Variants in RAI2 observed in about 807,000 individuals in gnomAD.
RAI2 encodes retinoic acid-induced protein 2.
In RAI2, 5 loss-of-function variants were observed where a neutral mutation model predicts 15.3. The observed-to-expected ratio is 0.33, with a 90% CI of 0.17 to 0.69. RAI2 has a LOEUF of 0.69. Among genes scored for constraint, RAI2 ranks in the 30% least tolerant of loss-of-function variants. The pLI is 0.69. For missense variants in RAI2, 424 were observed against 424.7 expected (o/e 1.00, Z 0.01); for synonymous variants, 191 against 184.0 (o/e 1.04, Z -0.31).
chrX:17,819,049 G>A (rs186574516), intron 1 of RAI2, among the ~76,000 whole-genome samples: 154 of 111,907 alleles, frequency 1.4e-3, no homozygotes, highest in African/African-American at 4.6e-3. Flanking sequence ...CTCTCTTGCT[G>A]GCCTCCTTCC....
intron 1 of RAI2, among the ~76,000 whole-genome samples, chrX:17,830,200 C>T: frequency 8.9e-6 from 1 of 112,432 alleles, no homozygotes; most frequent in Non-Finnish European, 1.9e-5. Context: ...AAGTGGTCCA[C>T]AATAGTGTCT....
At chrX:17,814,680 G>A (rs2067085727) in intron 1 of RAI2, among the ~76,000 whole-genome samples, 2 of 109,935 alleles carry the variant, frequency 1.8e-5, no homozygotes, top group Non-Finnish European at 3.8e-5. Flanking sequence ...CAAGACACAC[G>A]AGGGGGCCAG....
intron 1 of RAI2, among the ~76,000 whole-genome samples, chrX:17,816,005 CCT>C (rs926661946): frequency 8.2e-5 from 9 of 110,044 alleles, no homozygotes; most frequent in Admixed American, 5.8e-4. Flanking sequence ...TCCTCCTCCT[CCT>C]CTTTCTTGTT....
At chrX:17,814,984 G>A (rs1026931628) in intron 1 of RAI2, among the ~76,000 whole-genome samples, 12 of 109,973 alleles carry the variant, frequency 1.1e-4, no homozygotes, top group Non-Finnish European at 2.1e-4. Flanking sequence ...GAGAAGTACA[G>A]ACAATGCAGG....
At chrX:17,854,329 CG>C (rs1180661358) in intron 1 of RAI2, among the ~76,000 whole-genome samples, 2 of 111,854 alleles carry the variant, frequency 1.8e-5, no homozygotes, top group African/African-American at 6.5e-5. Flanking sequence ...GTTGTGCATA[CG>C]GGGGTGGGGA....
chrX:17,855,025 T>C (rs1337576738), intron 1 of RAI2, among the ~76,000 whole-genome samples: 2 of 111,823 alleles, frequency 1.8e-5, no homozygotes, highest in East Asian at 5.7e-4. Context: ...TGTGATGTGA[T>C]GATACCATAG....
intron 1 of RAI2, among the ~76,000 whole-genome samples, chrX:17,860,862 C>A (rs1445814720): frequency 1.9e-5 from 2 of 105,158 alleles, no homozygotes; most frequent in Admixed American, 1.9e-4. Context: ...GGAACGGGAG[C>A]GGGGCCCCGG....
chrX:17,844,446 C>T (rs929130420), intron 1 of RAI2, among the ~76,000 whole-genome samples: 3 of 112,682 alleles, frequency 2.7e-5, no homozygotes, highest in African/African-American at 9.7e-5. Flanking sequence ...TTGGTGGCTG[C>T]CTTTGGCCCA....
intron 1 of RAI2, among the ~76,000 whole-genome samples, chrX:17,845,527 T>G (rs1300049821): frequency 8.9e-6 from 1 of 112,520 alleles, no homozygotes; most frequent in Non-Finnish European, 1.9e-5. Context: ...GAAAAATCCC[T>G]TTCATTAGCT....
intron 1 of RAI2, among the ~76,000 whole-genome samples, chrX:17,833,405 C>T (rs770514348): frequency 4.5e-5 from 5 of 111,211 alleles, no homozygotes. Flanking sequence ...GCCTGTAATC[C>T]CAGCTACTCA....
At chrX:17,824,668 A>G (rs981442338) in intron 1 of RAI2, among the ~76,000 whole-genome samples, 2 of 112,111 alleles carry the variant, frequency 1.8e-5, no homozygotes, top group South Asian at 3.7e-4. Context: ...ATGTGACCCA[A>G]TCTTGCCAGC....
chrX:17,843,441 C>T (rs764506908), intron 1 of RAI2, among the ~76,000 whole-genome samples: 15 of 112,295 alleles, frequency 1.3e-4, no homozygotes. Context: ...AATGAATGTG[C>T]CTGGATGAAC....
rs2066902447 is a variant in RAI2 at position 17,801,098 on chromosome X, G to A, written c.913C>T (p.His305Tyr). Reference sequence around the variant, plus strand: ...TCACTTCCCATCTTAATGACCGTGTGGCGGCTGAGCTGGAAGTACTCCTTA... The same window carrying A: ...TCACTTCCCATCTTAATGACCGTGTAGCGGCTGAGCTGGAAGTACTCCTTA... ...QPKEYFQLSRHTVIKMGSENE... is the reference protein window; with the variant it reads ...QPKEYFQLSRYTVIKMGSENE... The change falls in exon 2 of 2, where the codon CAC (histidine) becomes TAC (tyrosine). Residue 305 changes from histidine to tyrosine, a missense_variant. By Grantham distance (83) the His-to-Tyr change is moderately conservative. Coordinates refer to ENST00000451717, the MANE Select transcript of RAI2 (RefSeq NM_021785.6). 2 of 1,209,810 alleles carry A rather than the reference G, an allele frequency of 1.7e-6. No individual in the cohort carries two copies. Among genetic ancestry groups the A allele is most frequent in the African/African-American group, 3.5e-5 (2 of 57,026 alleles).
intron 1 of RAI2, among the ~76,000 whole-genome samples, chrX:17,829,528 G>A (rs1342874628): frequency 9.0e-6 from 1 of 111,624 alleles, no homozygotes; most frequent in Admixed American, 9.5e-5. Context: ...CCTCTTGACA[G>A]GGTTTCTAAA....
intron 1 of RAI2, among the ~76,000 whole-genome samples, chrX:17,820,473 A>C (rs1055918199): frequency 2.7e-5 from 3 of 111,812 alleles, no homozygotes; most frequent in Non-Finnish European, 3.8e-5. Context: ...ACTGAAGTGG[A>C]AAGTCAGAAG....
In RAI2 at chrX:17,809,315, G is replaced by T. The variant is rs192767327; in HGVS notation, c.-24-7281C>A. ...ACTAAACTTCATGAGGACGGACAGTGGCTACGGGGAAGATCTGTTAGGGAG... is the reference window on the plus strand; with the variant it reads ...ACTAAACTTCATGAGGACGGACAGTTGCTACGGGGAAGATCTGTTAGGGAG... On this transcript the variant is annotated intron_variant, in intron 1 of 1. Transcript: ENST00000451717. Among the ~76,000 whole-genome samples the T allele has an allele frequency of 2.3e-3, 257 of 111,455 alleles. 1 individual carries two copies. Among genetic ancestry groups the T allele is most frequent in the Non-Finnish European group, 2.9e-3 (154 of 53,110 alleles).
rs751300289 is a variant in RAI2, at chrX:17,800,581, C to T, written c.1430G>A (p.Gly477Asp). 7.4e-6 allele frequency: 9 copies of T among 1,209,454 alleles called. No homozygotes were observed. The highest frequency in any genetic ancestry group is 1.0e-5 in the Non-Finnish European group (9 of 894,987). ...SFKREDSVLQGYDINSQGEES... is the reference protein window; with the variant it reads ...SFKREDSVLQDYDINSQGEES... ...TTCCCCTTGGCTGTTGATGTCATAG[C>T]CCTGAAGCACGGAGTCTTCTCTTTT... The change falls in exon 2 of 2, where the codon GGC becomes GAC. Residue 477 changes from glycine to aspartate, a missense_variant. Transcript: ENST00000451717.
intron 1 of RAI2, among the ~76,000 whole-genome samples, chrX:17,813,096 C>CTT (rs2067067010): frequency 9.0e-6 from 1 of 111,530 alleles, no homozygotes; most frequent in African/African-American, 3.3e-5. Flanking sequence ...ACTGCAAGTA[C>CTT]TTAGGGAAGG....
chrX:17,800,394 A>G lies in RAI2; in HGVS notation c.*24T>C. The G allele has an allele frequency of 8.6e-7, 1 of 1,159,479 alleles. No homozygotes were observed. The highest frequency in any genetic ancestry group is 2.0e-5 in the South Asian group (1 of 49,752). On this transcript the variant is annotated 3_prime_UTR_variant, in exon 2 of 2. Coordinates refer to ENST00000451717, the MANE Select transcript of RAI2 (RefSeq NM_021785.6). ...ATGCACCTTTCCCCATATTATAATCATACAAATTTTAAAAAGCCGTTATTT... is the reference window on the plus strand; with the variant it reads ...ATGCACCTTTCCCCATATTATAATCGTACAAATTTTAAAAAGCCGTTATTT...
Sources: allele counts gnomAD v4.1 joint callset (sites outside exome capture counted in the v4.1 genomes callset), GRCh38; gene constraint gnomAD v4.1.1; transcripts MANE v1.5; gene names NCBI Gene and HGNC (gene_info 2026-07-23, HGNC 2026-07-21).